Variants in CDKAL1 observed in about 807,000 individuals in gnomAD.
The protein encoded by CDKAL1 is CDKAL1 threonylcarbamoyladenosine tRNA methylthiotransferase, also known as threonylcarbamoyladenosine tRNA methylthiotransferase.
In CDKAL1, 32 loss-of-function variants were observed where a neutral mutation model predicts 68.2. The observed-to-expected ratio is 0.47, with a 90% CI of 0.35 to 0.63. The LOEUF is 0.63. Among genes scored for constraint, CDKAL1 ranks in the 30% least tolerant of loss-of-function variants. CDKAL1 has a pLI of 0.00. For missense variants in CDKAL1, 606 were observed against 696.7 expected (o/e 0.87, Z 1.47); for synonymous variants, 234 against 244.3 (o/e 0.96, Z 0.39).
At chr6:20,853,392 AAAAAAAAAAC>A (rs1485378618) in intron 9 of CDKAL1, among the ~76,000 whole-genome samples, 2 of 5,294 alleles carry the variant, frequency 3.8e-4, no homozygotes, top group Non-Finnish European at 5.8e-4. Flanking sequence ...AAAACAAAAC[AAAAAAAAAAC>A]AAAAAAAAAA....
rs773743090 is a variant in CDKAL1, at chr6:20,846,121, A to G, written c.685A>G (p.Asn229Asp). 2 of 1,613,454 alleles carry G rather than the reference A, an allele frequency of 1.2e-6. No individual in the cohort carries two copies. Among genetic ancestry groups the G allele is most frequent in the Non-Finnish European group, 1.7e-6 (2 of 1,179,588 alleles). ...CTGCAAAACTAAACACGCCAGAGGA[A>G]ATTTGGCCAGTTATCCAATTGATGA... ...TYCKTKHARG[N>D]LASYPIDELV... Residue 229 changes from asparagine to aspartate, a missense_variant, in exon 9 of 16, where the codon AAT (asparagine) becomes GAT (aspartate). Physicochemically the swap from Asn to Asp is conservative, Grantham distance 23. Coordinates refer to ENST00000274695, the MANE Select transcript of CDKAL1 (RefSeq NM_017774.3).
chr6:20,651,679 T>A (rs1320152756), intron 5 of CDKAL1, among the ~76,000 whole-genome samples: 1 of 152,226 alleles, frequency 6.6e-6, no homozygotes, highest in Non-Finnish European at 1.5e-5. Context: ...CAGTATGATA[T>A]GGGCTGTGGG....
intron 8 of CDKAL1, among the ~76,000 whole-genome samples, chr6:20,824,782 A>G (rs776492762): frequency 9.2e-5 from 14 of 151,412 alleles, no homozygotes; most frequent in Non-Finnish European, 1.8e-4. Flanking sequence ...GCGTAATTCC[A>G]GGAGTCAGGA....
chr6:20,562,189 T>C (rs1764292508), intron 4 of CDKAL1, among the ~76,000 whole-genome samples: 1 of 152,180 alleles, frequency 6.6e-6, no homozygotes. Context: ...CTTGAGTTAT[T>C]TGCAACGGTT....
chr6:21,188,409 G>T (rs1295523348), intron 13 of CDKAL1, among the ~76,000 whole-genome samples: 1 of 152,112 alleles, frequency 6.6e-6, no homozygotes, highest in Non-Finnish European at 1.5e-5. Flanking sequence ...TTATGAGTAG[G>T]TCCCTTTCTG....
intron 9 of CDKAL1, among the ~76,000 whole-genome samples, chr6:20,893,720 T>A (rs530498985): frequency 5.3e-5 from 8 of 152,336 alleles, no homozygotes; most frequent in African/African-American, 1.9e-4. Flanking sequence ...CAATTGCCTA[T>A]TCTGCAAAAT....
chr6:20,955,973 A>G (rs1434081121), intron 10 of CDKAL1, among the ~76,000 whole-genome samples: 1 of 152,162 alleles, frequency 6.6e-6, no homozygotes, highest in African/African-American at 2.4e-5. Flanking sequence ...TATCCAAACT[A>G]CTGTTAGCCA....
chr6:20,645,868 A>G (rs1308362722), intron 4 of CDKAL1, among the ~76,000 whole-genome samples: 1 of 151,638 alleles, frequency 6.6e-6, no homozygotes, highest in Non-Finnish European at 1.5e-5. Flanking sequence ...ACATGAGCCT[A>G]GGCCTACAAA....
intron 12 of CDKAL1, among the ~76,000 whole-genome samples, chr6:21,091,184 A>G (rs1582177461): frequency 1.3e-5 from 2 of 152,310 alleles, no homozygotes; most frequent in Middle Eastern, 3.4e-3. Flanking sequence ...AAAATACATC[A>G]TAGAGATTTT....
intron 9 of CDKAL1, among the ~76,000 whole-genome samples, chr6:20,905,279 A>C (rs573868662): frequency 7.2e-5 from 11 of 152,356 alleles, no homozygotes; most frequent in Non-Finnish European, 1.3e-4. Flanking sequence ...ATAAATTTTA[A>C]AGCTGAAAAA....
intron 5 of CDKAL1, among the ~76,000 whole-genome samples, chr6:20,734,498 T>A (rs1046132471): frequency 3.3e-5 from 5 of 152,234 alleles, no homozygotes; most frequent in African/African-American, 9.6e-5. Context: ...TTAAAGGAAA[T>A]TTTTTTAAGG....
rs566425397 is a variant in CDKAL1 at position 21,221,653 on chromosome 6, G to A, written c.1549-9195G>A. On this transcript the variant is annotated intron_variant, in intron 15 of 15. Transcript: ENST00000274695. ...CAGAGCCCATATGTTCAGGCATGGT[G>A]GGGGGAAAAAAGCCTGTTCTAAACT... Among the ~76,000 whole-genome samples, 18 of 152,122 alleles carry A rather than the reference G, an allele frequency of 1.2e-4. 1 individual carries two copies. Among genetic ancestry groups the A allele is most frequent in the South Asian group, 8.3e-4 (4 of 4,824 alleles).
chr6:20,626,765 G>A (rs1406669189), intron 4 of CDKAL1, among the ~76,000 whole-genome samples: 1 of 152,144 alleles, frequency 6.6e-6, no homozygotes, highest in Non-Finnish European at 1.5e-5. Flanking sequence ...TGCTTCTGCT[G>A]TAGGCATCAC....
intron 4 of CDKAL1, among the ~76,000 whole-genome samples, chr6:20,621,347 G>T (rs1767182128): frequency 6.6e-6 from 1 of 152,124 alleles, no homozygotes; most frequent in South Asian, 2.1e-4. Context: ...CATATCCTGG[G>T]TATGTATTGT....
intron 4 of CDKAL1, among the ~76,000 whole-genome samples, chr6:20,598,839 A>G (rs1171342586): frequency 6.6e-6 from 1 of 152,156 alleles, no homozygotes; most frequent in Non-Finnish European, 1.5e-5. Flanking sequence ...TATGTAACAA[A>G]AAAACTTACT....
Position 20,826,652 on chromosome 6 carries a change from A to C in CDKAL1, c.639-19423A>C, listed in dbSNP as rs189827121. On this transcript the variant is annotated intron_variant, in intron 8 of 15. Coordinates refer to ENST00000274695, the MANE Select transcript of CDKAL1 (RefSeq NM_017774.3). ...ATGCATGTGAGTCATACTAATCACG[A>C]ACTCCGTCCTTCCTCCAACCTCTGA... is the stretch of plus-strand genomic sequence containing the variant. 3.3e-5 allele frequency among the ~76,000 whole-genome samples: 5 copies of C among 152,242 alleles called. No individual in the cohort carries two copies. The East Asian group carries it at 9.7e-4, about 29-fold the overall frequency.
intron 13 of CDKAL1, among the ~76,000 whole-genome samples, chr6:21,117,288 GTT>G (rs10554335): frequency 0.5 from 72,058 of 143,184 alleles, 17,688 homozygotes; most frequent in East Asian, 0.69. Context: ...CAGATAAATT[GTT>G]TTTTTTTTTT....
chr6:20,951,450 C>A (rs929242845), intron 9 of CDKAL1, among the ~76,000 whole-genome samples: 2 of 152,170 alleles, frequency 1.3e-5, no homozygotes, highest in African/African-American at 4.8e-5. Context: ...TCTTCTACTT[C>A]CGTCTCCTGT....
chr6:21,168,642 A>G (rs1364440788), intron 13 of CDKAL1, among the ~76,000 whole-genome samples: 1 of 152,236 alleles, frequency 6.6e-6, no homozygotes, highest in Admixed American at 6.5e-5. Context: ...TCTAAGGGCT[A>G]AAGGAATGTT....
Sources: gnomAD v4.1 joint callset for allele counts (sites outside exome capture counted in the v4.1 genomes callset) on GRCh38, gnomAD v4.1.1 for gene constraint, MANE v1.5 for transcripts, NCBI Gene and HGNC (gene_info 2026-07-23, HGNC 2026-07-21) for gene names.